The following MYO9A variants were observed in gnomAD, a reference collection of about 807,000 sequenced individuals.
MYO9A encodes myosin IXA.
Under a neutral mutation model 293.3 loss-of-function variants are expected in MYO9A, and 103 were observed. The ratio of observed to expected loss-of-function variants is 0.35; its 90% CI spans 0.30 to 0.41. MYO9A has a LOEUF of 0.41. MYO9A is among the 10% of genes least tolerant of loss of function. MYO9A has a pLI of 1.00. For synonymous variants in MYO9A, 1,001 were observed against 1,035.7 expected, an observed-to-expected ratio of 0.97 and a Z score of 0.64; for missense variants, 2,685 against 3,033.0, an observed-to-expected ratio of 0.89 and a Z score of 2.69.
At chr15:71,930,822 T>C (rs576166810) in intron 18 of MYO9A, among the ~76,000 whole-genome samples, 2 of 152,216 alleles carry the variant, frequency 1.3e-5, no homozygotes, top group Admixed American at 1.3e-4. Flanking sequence ...TATAGCAGTA[T>C]GACTTCCATC....
intron 16 of MYO9A, among the ~76,000 whole-genome samples, chr15:71,938,111 A>G (rs937797012): frequency 2.0e-5 from 3 of 152,142 alleles, no homozygotes. Context: ...AGCAATAAAG[A>G]GTCATGAAAA....
rs774909200 is a variant in MYO9A at position 71,916,397 on chromosome 15, T to C, written c.2658A>G (p.Lys886=). The C allele has an allele frequency of 1.9e-6, 3 of 1,611,518 alleles. No individual in the cohort carries two copies. Among genetic ancestry groups the C allele is most frequent in the Non-Finnish European group, 2.5e-6 (3 of 1,179,088 alleles). The part of the protein sequence containing the change: ...KSLLHLHKKK[K]PPSISAQFQA... Reference sequence around the variant, plus strand: ...GAAACTGGGCACTGATGCTGGGAGGTTTTTTCTTCTTGTGTAAATGAAGAA... The same window carrying C: ...GAAACTGGGCACTGATGCTGGGAGGCTTTTTCTTCTTGTGTAAATGAAGAA... The change falls in exon 19 of 42, where the codon AAA becomes AAG. Residue 886 remains lysine, a synonymous_variant. Coordinates refer to ENST00000356056, the MANE Select transcript of MYO9A (RefSeq NM_006901.4).
intron 8 of MYO9A, among the ~76,000 whole-genome samples, chr15:72,005,908 A>G (rs2077002513): frequency 6.6e-6 from 1 of 152,246 alleles, no homozygotes; most frequent in African/African-American, 2.4e-5. Context: ...AAGATTTGGA[A>G]GATGAATAAT....
At chr15:71,921,252 C>T (rs2058148381) in intron 18 of MYO9A, among the ~76,000 whole-genome samples, 3 of 152,168 alleles carry the variant, frequency 2.0e-5, no homozygotes, top group East Asian at 3.8e-4. Context: ...ATGAAAGCTG[C>T]CTCTGCATTT....
chr15:71,867,597 A>G (rs1001296219), intron 32 of MYO9A, among the ~76,000 whole-genome samples: 3 of 144,966 alleles, frequency 2.1e-5, no homozygotes. Flanking sequence ...ACTGCAGTTA[A>G]AAAAAAAAAA....
chr15:71,951,906 CAAAAAAAAACAAACAA>C lies in MYO9A; in HGVS notation c.2183-26_2183-11del. On this transcript the variant is annotated splice_polypyrimidine_tract_variant and intron_variant, in intron 14 of 41. Transcript: ENST00000356056. ...GCTGTATCATCATGTCCTTAGGAAG[CAAAAAAAAACAAACAA>C]AAAAAAAAGGAGAAAAGAAAAAGAC... 1 of 1,381,238 alleles carries C rather than the reference CAAAAAAAAACAAACAA, an allele frequency of 7.2e-7. No individual in the cohort carries two copies. Among genetic ancestry groups the C allele is most frequent in the Non-Finnish European group, 9.4e-7 (1 of 1,058,556 alleles). 85.6% of individuals were successfully genotyped at this position (1,381,238 alleles called of 1,614,324 possible).
intron 28 of MYO9A, among the ~76,000 whole-genome samples, chr15:71,883,016 C>G (rs1161519982): frequency 1.3e-5 from 2 of 151,966 alleles, no homozygotes; most frequent in Admixed American, 1.3e-4. Flanking sequence ...TGTGCCCAGG[C>G]TGGTGTTGAA....
intron 6 of MYO9A, among the ~76,000 whole-genome samples, chr15:72,018,397 G>A (rs943564729): frequency 5.9e-5 from 9 of 152,172 alleles, no homozygotes; most frequent in African/African-American, 2.2e-4. Context: ...GAACCCAGGA[G>A]ATGGAGGTTG....
chr15:71,893,278 C>T lies in MYO9A; in HGVS notation c.5142+401G>A. On this transcript the variant is annotated intron_variant, in intron 26 of 41. Transcript: ENST00000356056. ...AAGACATCAGAGGGCTCATGAATTT[C>T]TTGAAATATCCCTCCACCCAACCAT... is the stretch of plus-strand genomic sequence containing the variant. The T allele has an allele frequency of 5.4e-6, 5 of 923,230 alleles. No homozygotes were observed. In the South Asian group the frequency reaches 6.8e-5, roughly 13 times the overall value. The allele number at this position is 923,230 out of a possible 1,614,324, so 57.2% of individuals were successfully genotyped here. A position where few individuals can be genotyped will look rare whatever the true frequency, so the allele number is the denominator to read the frequency against.
chr15:72,031,096 T>C (rs542813935), intron 3 of MYO9A, among the ~76,000 whole-genome samples: 17 of 152,314 alleles, frequency 1.1e-4, no homozygotes, highest in African/African-American at 4.1e-4. Flanking sequence ...GAGAATTTAA[T>C]GATATATGTA....
At chr15:71,959,764 C>T (rs889538215) in intron 14 of MYO9A, 137 bp downstream of exon 14, 5 of 714,410 alleles carry the variant, frequency 7.0e-6, no homozygotes, top group Non-Finnish European at 1.1e-5. Flanking sequence ...AGAGATGACA[C>T]TAGATTGACT....
intron 1 of MYO9A, among the ~76,000 whole-genome samples, chr15:72,056,259 G>C (rs1213652640): frequency 6.6e-6 from 1 of 152,018 alleles, no homozygotes; most frequent in Non-Finnish European, 1.5e-5. Flanking sequence ...AGAAAAAGAA[G>C]TCATTTATAC....
intron 1 of MYO9A, among the ~76,000 whole-genome samples, chr15:72,109,388 TAA>T (rs781514196): frequency 6.4e-5 from 8 of 124,820 alleles, no homozygotes; most frequent in Non-Finnish European, 6.9e-5. Flanking sequence ...AGGCTCTGTC[TAA>T]AAAAAAAAAA....
chr15:71,891,247 T>C (rs1013981897), intron 26 of MYO9A: 1 of 152,148 alleles, frequency 6.6e-6, no homozygotes, highest in African/African-American at 2.4e-5. Flanking sequence ...CTACAACTAC[T>C]GGCATGCAGT....
intron 1 of MYO9A, among the ~76,000 whole-genome samples, chr15:72,058,614 G>A (rs565835551): frequency 6.6e-4 from 100 of 152,226 alleles, no homozygotes; most frequent in Admixed American, 1.5e-3. Context: ...ATCAGACAAT[G>A]CTGTATCTTT....
At position 72,046,499 on chromosome 15, in the gene MYO9A, G is replaced by A; in HGVS notation, c.65C>T (p.Pro22Leu). The change falls in exon 2 of 42, where the codon CCT (proline) becomes CTT (leucine). Residue 22 changes from proline (P) to leucine (L), a missense_variant. Pro to Leu is a moderately conservative substitution (Grantham distance 98). Coordinates refer to ENST00000356056, the MANE Select transcript of MYO9A (RefSeq NM_006901.4). The stretch of plus-strand genomic sequence containing the variant: ...GATTGTCCCTTCTGAAATAGCCCCA[G>A]GATATATCCGTAATGTATGTTCATT... Reference protein sequence around the residue: ...EDNEHTLRIYPGAISEGTIYC... With the variant: ...EDNEHTLRIYLGAISEGTIYC... 6.2e-7 allele frequency: 1 copy of A among 1,613,802 alleles called. No individual in the cohort carries two copies. Among genetic ancestry groups the A allele is most frequent in the Non-Finnish European group, 8.5e-7 (1 of 1,179,916 alleles).
chr15:71,915,763 A>T (rs2057992059), intron 19 of MYO9A, among the ~76,000 whole-genome samples: 1 of 152,176 alleles, frequency 6.6e-6, no homozygotes, highest in South Asian at 2.1e-4. Context: ...TTTGTTACCT[A>T]CCAGATATTT....
chr15:71,891,987 A>C (rs1238916150), intron 26 of MYO9A: 1 of 152,206 alleles, frequency 6.6e-6, no homozygotes, highest in East Asian at 1.9e-4. Context: ...AATATTAGAG[A>C]GCTCAGTTAC....
intron 1 of MYO9A, among the ~76,000 whole-genome samples, chr15:72,107,094 G>A (rs753949094): frequency 6.6e-6 from 1 of 152,146 alleles, no homozygotes; most frequent in Non-Finnish European, 1.5e-5. Context: ...CTAAAAGGAG[G>A]AGGAGGAAGA....
Sources: allele counts gnomAD v4.1 joint callset (sites outside exome capture counted in the v4.1 genomes callset), GRCh38; gene constraint gnomAD v4.1.1; transcripts MANE v1.5; gene names NCBI Gene and HGNC (gene_info 2026-07-23, HGNC 2026-07-21).